The following OLFM3 variants were observed in gnomAD, a reference collection of about 807,000 sequenced individuals.
The protein encoded by OLFM3 is olfactomedin 3.
A neutral mutation model predicts 48.6 loss-of-function variants in OLFM3; 20 were observed. The observed-to-expected ratio is 0.41, with a 90% confidence interval of 0.29 to 0.60. The LOEUF (loss-of-function observed/expected upper bound fraction) is 0.60, where lower values mean the gene tolerates loss of function less well. OLFM3 is among the 20% of genes least tolerant of loss of function. The pLI is 0.28. For synonymous variants in OLFM3, 222 were observed against 198.1 expected, an observed-to-expected ratio of 1.12 and a Z score of -1.01; for missense variants, 437 against 544.3, an observed-to-expected ratio of 0.80 and a Z score of 1.96.
chr1:101,835,385 G>C (rs1383748996), intron 2 of OLFM3, among the ~76,000 whole-genome samples: 2 of 152,220 alleles, frequency 1.3e-5, no homozygotes, highest in Admixed American at 6.5e-5. Context: ...TGAGTTCTCA[G>C]CTCATTGCAA....
intron 1 of OLFM3, among the ~76,000 whole-genome samples, chr1:101,994,225 A>C (rs1051579392): frequency 8.6e-5 from 13 of 150,986 alleles, no homozygotes; most frequent in Admixed American, 3.3e-4. Context: ...AAAATAAACA[A>C]AGTATAACAA....
intron 1 of OLFM3, among the ~76,000 whole-genome samples, chr1:101,886,894 G>C (rs1553177125): frequency 6.6e-6 from 1 of 152,076 alleles, no homozygotes; most frequent in Non-Finnish European, 1.5e-5. Flanking sequence ...TCCTATGACA[G>C]GCTCTGGGTA....
chr1:101,922,719 T>C (rs1021087439), intron 1 of OLFM3, among the ~76,000 whole-genome samples: 5 of 152,238 alleles, frequency 3.3e-5, no homozygotes, highest in African/African-American at 1.2e-4. Context: ...TAAAATGTGT[T>C]GTAACCTGGA....
At chr1:101,994,736 G>C (rs1343042504) in intron 1 of OLFM3, among the ~76,000 whole-genome samples, 1 of 151,642 alleles carries the variant, frequency 6.6e-6, no homozygotes, top group Non-Finnish European at 1.5e-5. Flanking sequence ...TCTCTGTAAT[G>C]TCTATGATAT....
chr1:101,918,140 C>T (rs567910744), intron 1 of OLFM3, among the ~76,000 whole-genome samples: 22 of 152,134 alleles, frequency 1.4e-4, no homozygotes, highest in African/African-American at 4.6e-4. Flanking sequence ...CCACTATAGG[C>T]AAGGTGCTGT....
chr1:101,881,023 G>C (rs1657507239), intron 1 of OLFM3, among the ~76,000 whole-genome samples: 1 of 151,806 alleles, frequency 6.6e-6, no homozygotes, highest in Admixed American at 6.6e-5. Flanking sequence ...TCTTCAGGAT[G>C]GCACAAAACA....
At chr1:101,953,584 C>A (rs1238449472) in intron 1 of OLFM3, among the ~76,000 whole-genome samples, 1 of 152,080 alleles carries the variant, frequency 6.6e-6, no homozygotes, top group Admixed American at 6.6e-5. Flanking sequence ...TAACCATGTT[C>A]TAGAAGAAAA....
intron 1 of OLFM3, among the ~76,000 whole-genome samples, chr1:101,937,379 C>T (rs1659655363): frequency 1.3e-5 from 2 of 152,146 alleles, no homozygotes; most frequent in Admixed American, 1.3e-4. Flanking sequence ...TGAAATGCTC[C>T]AACCCAGATG....
intron 1 of OLFM3, among the ~76,000 whole-genome samples, chr1:101,951,225 G>A (rs753038381): frequency 2.0e-5 from 3 of 152,208 alleles, no homozygotes; most frequent in African/African-American, 7.2e-5. Context: ...AAGATCAAAT[G>A]AGATAAATAC....
At chr1:101,835,035 A>G (rs1184531333) in intron 2 of OLFM3, among the ~76,000 whole-genome samples, 1 of 152,194 alleles carries the variant, frequency 6.6e-6, no homozygotes, top group Admixed American at 6.5e-5. Flanking sequence ...GTGTATGTGT[A>G]GGTGTGAATA....
intron 1 of OLFM3, chr1:101,910,061 G>A (rs923298696): frequency 1.4e-5 from 14 of 985,000 alleles, no homozygotes; most frequent in African/African-American, 1.7e-5. Context: ...TCCTCCTCCT[G>A]CTTTCCTCCT....
At chr1:101,893,384 C>T in intron 1 of OLFM3, 1 of 378,532 alleles carries the variant, frequency 2.6e-6, no homozygotes, top group Non-Finnish European at 5.4e-6. Flanking sequence ...CCATGGGGAA[C>T]AGATCAGTCC....
chr1:101,847,047 T>C, intron 1 of OLFM3: 1 of 1,532,760 alleles, frequency 6.5e-7, no homozygotes, highest in South Asian at 1.3e-5. Context: ...GAGGCGTGAC[T>C]GCAGCGCGCC....
chr1:101,932,746 C>T (rs1659482162), intron 1 of OLFM3, among the ~76,000 whole-genome samples: 1 of 152,180 alleles, frequency 6.6e-6, no homozygotes, highest in Admixed American at 6.5e-5. Flanking sequence ...CTCAAAAATC[C>T]AGCGTGTCTT....
At chr1:101,928,730 G>T (rs889063866) in intron 1 of OLFM3, among the ~76,000 whole-genome samples, 1 of 152,126 alleles carries the variant, frequency 6.6e-6, no homozygotes, top group Admixed American at 6.6e-5. Flanking sequence ...CCTACTATGT[G>T]TTTGGCACTA....
chr1:101,994,457 T>A (rs1323587132), intron 1 of OLFM3, among the ~76,000 whole-genome samples: 1 of 150,626 alleles, frequency 6.6e-6, no homozygotes, highest in East Asian at 1.9e-4. Flanking sequence ...TCCTGACTTT[T>A]AAAATCTAAG....
chr1:101,963,863 A>G (rs1387107921), intron 1 of OLFM3, among the ~76,000 whole-genome samples: 1 of 152,138 alleles, frequency 6.6e-6, no homozygotes, highest in African/African-American at 2.4e-5. Flanking sequence ...CACTGTCAAC[A>G]TAACAGTTAT....
At chr1:101,888,131 C>T (rs1295029584) in intron 1 of OLFM3, among the ~76,000 whole-genome samples, 2 of 152,030 alleles carry the variant, frequency 1.3e-5, no homozygotes, top group African/African-American at 4.8e-5. Context: ...ACTTTCTTCA[C>T]AGAATTGGAA....
intron 1 of OLFM3, among the ~76,000 whole-genome samples, chr1:101,858,190 T>C (rs1656506803): frequency 1.3e-5 from 2 of 152,240 alleles, no homozygotes; most frequent in Middle Eastern, 6.8e-3. Context: ...TATTTTCCCT[T>C]TCAATAATAT....
Sources: gnomAD v4.1 joint callset for allele counts (sites outside exome capture counted in the v4.1 genomes callset) on GRCh38, gnomAD v4.1.1 for gene constraint, MANE v1.5 for transcripts, NCBI Gene and HGNC (gene_info 2026-07-23, HGNC 2026-07-21) for gene names.